The following AGBL1 variants were observed in gnomAD, a reference collection of about 807,000 sequenced individuals.
AGBL1 encodes AGBL carboxypeptidase 1.
A neutral mutation model predicts 118.9 loss-of-function variants in AGBL1; 130 were observed. That is an observed-to-expected ratio of 1.09 (90% CI 0.95 to 1.26). The LOEUF is 1.26. AGBL1 is among the 50% of genes most tolerant of loss of function. The probability of loss-of-function intolerance (pLI) is 0.00; values close to 1 mark genes in which losing one functional copy is unlikely to be tolerated. For synonymous variants in AGBL1, 555 were observed against 478.9 expected, an observed-to-expected ratio of 1.16 and a Z score of -2.08; for missense variants, 1,584 against 1,298.1, an observed-to-expected ratio of 1.22 and a Z score of -3.38.
intron 5 of AGBL1, among the ~76,000 whole-genome samples, chr15:86,165,580 A>AT (rs1181151141): frequency 2.0e-5 from 3 of 152,162 alleles, no homozygotes; most frequent in Admixed American, 6.5e-5. Context: ...GAAGAAATGG[A>AT]TTTTTTTCTG....
At chr15:86,104,356 G>A (rs1407555723) in intron 1 of AGBL1, among the ~76,000 whole-genome samples, 1 of 152,186 alleles carries the variant, frequency 6.6e-6, no homozygotes, top group African/African-American at 2.4e-5. Flanking sequence ...GCTTTTAGTG[G>A]CAGCAGCCAT....
intron 3 of AGBL1, among the ~76,000 whole-genome samples, chr15:86,146,158 T>C (rs985255353): frequency 6.6e-6 from 1 of 152,228 alleles, no homozygotes; most frequent in Non-Finnish European, 1.5e-5. Flanking sequence ...AAAATAGAGC[T>C]ATCTGTATAG....
At chr15:86,113,966 T>C (rs1052562590) in intron 1 of AGBL1, among the ~76,000 whole-genome samples, 7 of 152,202 alleles carry the variant, frequency 4.6e-5, no homozygotes, top group Non-Finnish European at 1.0e-4. Context: ...ATACTGATAA[T>C]TACTGTGGAG....
At chr15:86,843,620 C>T (rs919452836) in intron 22 of AGBL1, among the ~76,000 whole-genome samples, 11 of 152,118 alleles carry the variant, frequency 7.2e-5, no homozygotes, top group African/African-American at 2.2e-4. Flanking sequence ...CGAATGATTT[C>T]TCCTTTCAAC....
intron 16 of AGBL1, among the ~76,000 whole-genome samples, chr15:86,282,117 G>A (rs2079364222): frequency 6.6e-6 from 1 of 152,064 alleles, no homozygotes; most frequent in South Asian, 2.1e-4. Context: ...TACCTTCTGG[G>A]CACAGTTTCA....
chr15:86,352,612 G>T (rs1423237520), intron 17 of AGBL1, among the ~76,000 whole-genome samples: 1 of 152,072 alleles, frequency 6.6e-6, no homozygotes, highest in Non-Finnish European at 1.5e-5. Flanking sequence ...CTCCCGAGGG[G>T]CTGGGATTAC....
At chr15:86,224,724 G>A (rs972007363) in intron 5 of AGBL1, among the ~76,000 whole-genome samples, 190 bp from the exon 6 acceptor site, 3 of 152,132 alleles carry the variant, frequency 2.0e-5, no homozygotes, top group Non-Finnish European at 4.4e-5. Flanking sequence ...CTACAAGACG[G>A]ACACTTCGCT....
intron 6 of AGBL1, among the ~76,000 whole-genome samples, chr15:86,226,047 G>T (rs2078356765): frequency 6.6e-6 from 1 of 152,150 alleles, no homozygotes; most frequent in Non-Finnish European, 1.5e-5. Context: ...AACTTGATAA[G>T]CTGTGATATG....
rs536561146 is a variant in AGBL1 at position 86,641,431 on chromosome 15, C to T, written c.2995-32842C>T. Among the ~76,000 whole-genome samples the T allele has an allele frequency of 1.4e-4, 22 of 151,884 alleles. No individual in the cohort carries two copies. The South Asian group carries it at 3.1e-3, about 21-fold the overall frequency. On this transcript the variant is annotated intron_variant, in intron 21 of 22. Coordinates refer to ENST00000614907, the MANE Select transcript of AGBL1 (RefSeq NM_001386094.1). ...TTTTTTTTAAAAAAAAAAGCAGTGCCGGTAGTTACCTGGCAGCCCCCATGA... is the reference window on the plus strand; with the variant it reads ...TTTTTTTTAAAAAAAAAAGCAGTGCTGGTAGTTACCTGGCAGCCCCCATGA...
At position 86,758,524 on chromosome 15, in the gene AGBL1, T is replaced by A. The variant is rs75940943; in HGVS notation, c.3158+84088T>A. 1.2e-3 allele frequency among the ~76,000 whole-genome samples: 184 copies of A among 152,252 alleles called. 5 individuals are homozygous for A. The East Asian group carries it at 0.031, about 26-fold the overall frequency. ...TAATAATAGAGGCCAAGTCTGCTTT[T>A]GCAAACCATTGTGGTCTAAGTAACT... On this transcript the variant is annotated intron_variant, in intron 22 of 22. Transcript: ENST00000614907.
chr15:86,106,246 G>C (rs542169897), intron 1 of AGBL1, among the ~76,000 whole-genome samples: 1 of 152,150 alleles, frequency 6.6e-6, no homozygotes, highest in Non-Finnish European at 1.5e-5. Flanking sequence ...GTGATCCCTA[G>C]AATTCCTTTC....
intron 9 of AGBL1, among the ~76,000 whole-genome samples, chr15:86,258,408 T>G (rs2078931511): frequency 6.6e-6 from 1 of 152,200 alleles, no homozygotes; most frequent in African/African-American, 2.4e-5. Flanking sequence ...TCACTCTTCT[T>G]ATCCTTTCTG....
intron 16 of AGBL1, among the ~76,000 whole-genome samples, chr15:86,286,735 G>GTATGTGTATATATATATATATATA (rs2079457877): frequency 1.9e-5 from 2 of 106,252 alleles, no homozygotes; most frequent in African/African-American, 7.8e-5. Flanking sequence ...GTTTGTGTGT[G>GTATGTGTATATATATATATATATA]TATATATATA....
intron 22 of AGBL1, among the ~76,000 whole-genome samples, chr15:86,751,033 T>C (rs984790478): frequency 4.6e-5 from 7 of 152,106 alleles, no homozygotes; most frequent in African/African-American, 1.7e-4. Context: ...TTAAATACAG[T>C]CTATTGTCAG....
chr15:86,159,558 G>C (rs1295462473), intron 5 of AGBL1, among the ~76,000 whole-genome samples: 1 of 152,074 alleles, frequency 6.6e-6, no homozygotes, highest in African/African-American at 2.4e-5. Context: ...TTTTATGATT[G>C]GAAAATGAAA....
chr15:86,669,986 T>C (rs1456278814), intron 21 of AGBL1, among the ~76,000 whole-genome samples: 1 of 152,190 alleles, frequency 6.6e-6, no homozygotes, highest in Non-Finnish European at 1.5e-5. Flanking sequence ...ATGGTTGTTA[T>C]AATTATCATT....
At chr15:86,430,640 A>G (rs908575617) in intron 18 of AGBL1, among the ~76,000 whole-genome samples, 1 of 152,158 alleles carries the variant, frequency 6.6e-6, no homozygotes, top group Non-Finnish European at 1.5e-5. Context: ...CACACTGCAC[A>G]TAGGATAGAT....
intron 21 of AGBL1, among the ~76,000 whole-genome samples, chr15:86,622,290 A>T (rs1256494059): frequency 6.7e-6 from 1 of 148,730 alleles, no homozygotes; most frequent in African/African-American, 2.5e-5. Flanking sequence ...AGATGGCACC[A>T]TTGCACTCCA....
intron 22 of AGBL1, among the ~76,000 whole-genome samples, chr15:86,690,229 A>G (rs1452246516): frequency 6.6e-6 from 1 of 152,160 alleles, no homozygotes; most frequent in Non-Finnish European, 1.5e-5. Context: ...GCTTATAGCA[A>G]GGAACTAAGA....
Sources: gnomAD v4.1 joint callset for allele counts (sites outside exome capture counted in the v4.1 genomes callset) on GRCh38, gnomAD v4.1.1 for gene constraint, MANE v1.5 for transcripts, NCBI Gene and HGNC (gene_info 2026-07-23, HGNC 2026-07-21) for gene names.